The following RAI14 variants were observed in gnomAD, a reference collection of about 807,000 sequenced individuals.
RAI14 encodes ankycorbin.
A neutral mutation model predicts 115.4 loss-of-function variants in RAI14; 45 were observed. The ratio of observed to expected loss-of-function variants is 0.39; its 90% CI spans 0.31 to 0.50. RAI14 has a LOEUF of 0.50. RAI14 is among the 20% of genes least tolerant of loss of function. The pLI is 0.85. For synonymous variants in RAI14, 371 were observed against 415.4 expected, an observed-to-expected ratio of 0.89 and a Z score of 1.30; for missense variants, 939 against 1,131.2, an observed-to-expected ratio of 0.83 and a Z score of 2.44.
chr5:34,792,235 C>CTTTTTTTTTTTTT (rs55986330), intron 3 of RAI14, among the ~76,000 whole-genome samples: 2 of 127,482 alleles, frequency 1.6e-5, no homozygotes, highest in Admixed American at 8.4e-5. Flanking sequence ...TTTCTTTTTT[C>CTTTTTTTTTTTTT]TTTTTTTTTT....
intron 3 of RAI14, among the ~76,000 whole-genome samples, chr5:34,790,009 G>A (rs899900021): frequency 6.6e-6 from 1 of 152,200 alleles, no homozygotes; most frequent in African/African-American, 2.4e-5. Context: ...AAGGTTGGAA[G>A]CTTTAATTTT....
chr5:34,776,813 A>AACAAACAAACAAAAAAAAC (rs1287027983), intron 3 of RAI14, among the ~76,000 whole-genome samples: 4 of 147,534 alleles, frequency 2.7e-5, no homozygotes, highest in African/African-American at 1.0e-4. Flanking sequence ...TATTAAAAAA[A>AACAAACAAACAAAAAAAAC]CCCACCAAAA....
intron 2 of RAI14, among the ~76,000 whole-genome samples, chr5:34,696,104 G>A (rs1455919919): frequency 6.6e-6 from 1 of 152,048 alleles, no homozygotes; most frequent in Non-Finnish European, 1.5e-5. Flanking sequence ...ACGGGAGTGA[G>A]CCACCACACC....
intron 3 of RAI14, among the ~76,000 whole-genome samples, chr5:34,764,193 C>T (rs1431509383): frequency 6.6e-6 from 1 of 152,168 alleles, no homozygotes; most frequent in Non-Finnish European, 1.5e-5. Context: ...CATGGCCATG[C>T]TTTCTTTCCC....
chr5:34,704,387 T>G (rs1740430962), intron 2 of RAI14, among the ~76,000 whole-genome samples: 1 of 152,244 alleles, frequency 6.6e-6, no homozygotes, highest in Admixed American at 6.5e-5. Flanking sequence ...TCAGTATCCT[T>G]AATTACTTGA....
intron 2 of RAI14, among the ~76,000 whole-genome samples, chr5:34,736,136 C>CAG (rs138820341): frequency 6.6e-6 from 1 of 152,180 alleles, no homozygotes; most frequent in Non-Finnish European, 1.5e-5. Context: ...CGCGGTGACT[C>CAG]ACGCCTGTAA....
At chr5:34,737,912 T>C (rs1745065438) in intron 2 of RAI14, among the ~76,000 whole-genome samples, 1 of 152,250 alleles carries the variant, frequency 6.6e-6, no homozygotes, top group Non-Finnish European at 1.5e-5. Flanking sequence ...CTGAATCTAA[T>C]TGAAAGCACA....
At chr5:34,740,673 A>G (rs960245036) in intron 2 of RAI14, among the ~76,000 whole-genome samples, 9 of 152,194 alleles carry the variant, frequency 5.9e-5, no homozygotes, top group Non-Finnish European at 1.0e-4. Context: ...CCATCTGTGC[A>G]CATGCTCGTC....
rs114441647 is a variant in RAI14 at position 34,669,192 on chromosome 5, A to G, written c.-49+12717A>G. Among the ~76,000 whole-genome samples the G allele has an allele frequency of 5.0e-3, 756 of 152,244 alleles. 7 individuals are homozygous for G. Among genetic ancestry groups the G allele is most frequent in the Middle Eastern group, 0.017 (5 of 294 alleles). ...CTTTCTGTGCTATACAACTTTTCAC[A>G]GTGTTGGGTGTGCTATTTGTTTCCT... On this transcript the variant is annotated intron_variant, in intron 1 of 17. Transcript: ENST00000265109.
intron 2 of RAI14, among the ~76,000 whole-genome samples, chr5:34,689,591 G>C (rs1233204745): frequency 6.6e-6 from 1 of 151,824 alleles, no homozygotes; most frequent in African/African-American, 2.4e-5. Context: ...AATGAATGTT[G>C]GCCGGGTGTG....
intron 2 of RAI14, among the ~76,000 whole-genome samples, chr5:34,729,619 G>A (rs1025631067): frequency 6.6e-6 from 1 of 152,074 alleles, no homozygotes; most frequent in African/African-American, 2.4e-5. Context: ...GCCAATTAAT[G>A]CGAAATACTG....
intron 1 of RAI14, among the ~76,000 whole-genome samples, chr5:34,662,773 C>T (rs1031765718): frequency 1.4e-5 from 2 of 142,560 alleles, no homozygotes; most frequent in Admixed American, 1.5e-4. Context: ...CTGTTGCCCA[C>T]GCGGGAGTGC....
At chr5:34,715,021 C>A (rs1741827499) in intron 2 of RAI14, among the ~76,000 whole-genome samples, 1 of 151,958 alleles carries the variant, frequency 6.6e-6, no homozygotes, top group East Asian at 1.9e-4. Flanking sequence ...TGACACCATC[C>A]CAAGAAGGAA....
At chr5:34,718,572 C>G (rs372372988) in intron 2 of RAI14, among the ~76,000 whole-genome samples, 9 of 152,380 alleles carry the variant, frequency 5.9e-5, no homozygotes, top group African/African-American at 2.2e-4. Flanking sequence ...CCCCACCAAA[C>G]TGAGGACCCT....
intron 2 of RAI14, among the ~76,000 whole-genome samples, chr5:34,721,322 T>C (rs6451165): frequency 2.1e-5 from 3 of 143,942 alleles, no homozygotes; most frequent in Admixed American, 1.4e-4. Context: ...TATATATATA[T>C]ATAGATGTGT....
At chr5:34,705,674 T>C (rs1740621941) in intron 2 of RAI14, among the ~76,000 whole-genome samples, 1 of 152,004 alleles carries the variant, frequency 6.6e-6, no homozygotes, top group Admixed American at 6.6e-5. Context: ...TGTGACAGAG[T>C]TTCACTCTTG....
intron 3 of RAI14, among the ~76,000 whole-genome samples, chr5:34,765,244 A>G (rs762500793): frequency 6.6e-6 from 1 of 152,212 alleles, no homozygotes; most frequent in African/African-American, 2.4e-5. Flanking sequence ...GAAAAGATAC[A>G]TGAAAATGTG....
chr5:34,803,229 T>C (rs1407721762), intron 4 of RAI14, among the ~76,000 whole-genome samples: 1 of 152,188 alleles, frequency 6.6e-6, no homozygotes, highest in Non-Finnish European at 1.5e-5. Flanking sequence ...GCATGGGGGA[T>C]GCTCGATTCT....
At position 34,710,821 on chromosome 5, in the gene RAI14, A is replaced by G. The variant is rs534472346; in HGVS notation, c.36+23866A>G. On this transcript the variant is annotated intron_variant, in intron 2 of 17. Coordinates refer to ENST00000265109, the MANE Select transcript of RAI14 (RefSeq NM_015577.3). The stretch of plus-strand genomic sequence containing the variant: ...CTTCTGCTCAGCATGCCAAGACTGT[A>G]AAGTTTCTGACATGTGTTCTTCCAG... Among the ~76,000 whole-genome samples, 9 of 152,324 alleles carry G rather than the reference A, an allele frequency of 5.9e-5. No individual in the cohort carries two copies. In the South Asian group the frequency reaches 1.2e-3, roughly 21 times the overall value.
Sources: allele counts gnomAD v4.1 joint callset (sites outside exome capture counted in the v4.1 genomes callset), GRCh38; gene constraint gnomAD v4.1.1; transcripts MANE v1.5; gene names NCBI Gene and HGNC (gene_info 2026-07-23, HGNC 2026-07-21).